The following GRXCR1 variants were observed in gnomAD, a reference collection of about 807,000 sequenced individuals.
The protein encoded by GRXCR1 is glutaredoxin domain-containing cysteine-rich protein 1.
Under a neutral mutation model 27.3 loss-of-function variants are expected in GRXCR1, and 27 were observed. The observed-to-expected ratio is 0.99, with a 90% CI of 0.73 to 1.37. GRXCR1 has a LOEUF of 1.37. GRXCR1 is among the 40% of genes most tolerant of loss of function. The probability of loss-of-function intolerance (pLI) is 0.00; values close to 1 mark genes in which losing one functional copy is unlikely to be tolerated. For synonymous variants in GRXCR1, 122 were observed against 131.1 expected (o/e 0.93, Z 0.47); for missense variants, 379 against 354.4 (o/e 1.07, Z -0.56).
intron 2 of GRXCR1, among the ~76,000 whole-genome samples, chr4:42,994,920 G>A (rs1408229533): frequency 6.6e-6 from 1 of 151,998 alleles, no homozygotes. Flanking sequence ...CATCAAAAAT[G>A]CTTAATATTA....
chr4:42,980,001 A>T (rs944717621), intron 2 of GRXCR1, among the ~76,000 whole-genome samples: 1 of 151,890 alleles, frequency 6.6e-6, no homozygotes, highest in Non-Finnish European at 1.5e-5. Context: ...TCTTGTATCA[A>T]TTGTAACATC....
Position 42,941,988 on chromosome 4 carries a change from A to C in GRXCR1, c.385-20904A>C, listed in dbSNP as rs151310748. 3.4e-3 allele frequency among the ~76,000 whole-genome samples: 516 copies of C among 152,228 alleles called. 1 individual carries two copies. The highest frequency in any genetic ancestry group is 8.7e-3 in the South Asian group (42 of 4,826). On this transcript the variant is annotated intron_variant, in intron 1 of 3. Transcript: ENST00000399770. ...AATTTGATATATATGCAAAACTAAC[A>C]CAGCAACTTGAGCACATAATTTCAA...
At chr4:42,907,277 C>G (rs1227967031) in intron 1 of GRXCR1, among the ~76,000 whole-genome samples, 1 of 152,192 alleles carries the variant, frequency 6.6e-6, no homozygotes, top group Non-Finnish European at 1.5e-5. Context: ...GGAACATTCA[C>G]TACAGTTCAC....
chr4:43,013,464 A>G (rs1211775401), intron 2 of GRXCR1, among the ~76,000 whole-genome samples: 1 of 152,094 alleles, frequency 6.6e-6, no homozygotes, highest in East Asian at 1.9e-4. Flanking sequence ...GCAACAATAG[A>G]CAACTGGGGC....
At chr4:42,908,880 A>G (rs1746656491) in intron 1 of GRXCR1, among the ~76,000 whole-genome samples, 1 of 152,118 alleles carries the variant, frequency 6.6e-6, no homozygotes, top group Non-Finnish European at 1.5e-5. Context: ...TTCCTGTGGG[A>G]ATTGGCAGTG....
intron 2 of GRXCR1, among the ~76,000 whole-genome samples, chr4:42,975,411 T>C (rs1407152183): frequency 6.6e-6 from 1 of 152,094 alleles, no homozygotes; most frequent in Non-Finnish European, 1.5e-5. Flanking sequence ...CCTTTTCAGT[T>C]ATGTGTACCT....
intron 1 of GRXCR1, among the ~76,000 whole-genome samples, chr4:42,920,936 A>G (rs910126430): frequency 2.0e-5 from 3 of 151,902 alleles, no homozygotes; most frequent in African/African-American, 4.8e-5. Flanking sequence ...CAAGTTTGCA[A>G]TAATTTTCTC....
At chr4:42,921,641 G>A (rs1406958450) in intron 1 of GRXCR1, among the ~76,000 whole-genome samples, 1 of 151,944 alleles carries the variant, frequency 6.6e-6, no homozygotes, top group Non-Finnish European at 1.5e-5. Context: ...TTAAAAAATG[G>A]ATGGTTTTAT....
At chr4:42,932,539 G>A (rs1256778345) in intron 1 of GRXCR1, among the ~76,000 whole-genome samples, 1 of 131,292 alleles carries the variant, frequency 7.6e-6, no homozygotes, top group Admixed American at 8.2e-5. Flanking sequence ...AATAGATCAG[G>A]CCAAACTCTC....
intron 2 of GRXCR1, among the ~76,000 whole-genome samples, chr4:42,997,873 A>G (rs371813035): frequency 7.2e-5 from 11 of 152,094 alleles, no homozygotes; most frequent in African/African-American, 2.7e-4. Flanking sequence ...CCTGCATGGC[A>G]TGGCGTGCCT....
At chr4:42,998,504 GAA>G (rs1344465817) in intron 2 of GRXCR1, among the ~76,000 whole-genome samples, 1 of 152,192 alleles carries the variant, frequency 6.6e-6, no homozygotes, top group Non-Finnish European at 1.5e-5. Context: ...AAACGCAAGT[GAA>G]AGATACATTG....
rs558438176 is a variant in GRXCR1 at position 42,914,379 on chromosome 4, A to G, written c.384+20729A>G. On this transcript the variant is annotated intron_variant, in intron 1 of 3. Transcript: ENST00000399770. ...GTGAGACATGGAGTCAAAGAAGATC[A>G]TTTTGGAACTTTAAGGTTTAATAAC... Among the ~76,000 whole-genome samples, 12 of 152,366 alleles carry G rather than the reference A, an allele frequency of 7.9e-5. No individual in the cohort carries two copies. The South Asian group carries it at 2.5e-3, about 32-fold the overall frequency.
At chr4:42,999,672 T>C (rs913765484) in intron 2 of GRXCR1, among the ~76,000 whole-genome samples, 4 of 152,240 alleles carry the variant, frequency 2.6e-5, no homozygotes, top group African/African-American at 9.6e-5. Context: ...GATTTTTTCC[T>C]TAAAGTCTGA....
At chr4:42,927,138 C>T (rs1747174616) in intron 1 of GRXCR1, among the ~76,000 whole-genome samples, 1 of 151,972 alleles carries the variant, frequency 6.6e-6, no homozygotes, top group Non-Finnish European at 1.5e-5. Flanking sequence ...TCAACCATCC[C>T]ACAGGATTCA....
At chr4:42,915,136 G>C (rs1463323843) in intron 1 of GRXCR1, among the ~76,000 whole-genome samples, 2 of 152,126 alleles carry the variant, frequency 1.3e-5, no homozygotes, top group African/African-American at 4.8e-5. Flanking sequence ...TCTCAGTCTA[G>C]TGTTGAGTGG....
intron 1 of GRXCR1, among the ~76,000 whole-genome samples, chr4:42,916,805 A>G (rs1746896444): frequency 6.6e-6 from 1 of 152,166 alleles, no homozygotes; most frequent in Non-Finnish European, 1.5e-5. Flanking sequence ...TCAAAGTTCT[A>G]CATCCAAGAT....
chr4:43,025,075 C>T (rs1713210059), intron 3 of GRXCR1, among the ~76,000 whole-genome samples: 1 of 152,114 alleles, frequency 6.6e-6, no homozygotes, highest in African/African-American at 2.4e-5. Context: ...TCTTAGCATC[C>T]TGTTTCTATA....
chr4:42,997,888 C>T (rs1355263585), intron 2 of GRXCR1, among the ~76,000 whole-genome samples: 1 of 152,178 alleles, frequency 6.6e-6, no homozygotes. Context: ...GTGCCTCCTC[C>T]CTCCTCTCGG....
chr4:43,011,786 C>T (rs1435346566), intron 2 of GRXCR1, among the ~76,000 whole-genome samples: 4 of 152,110 alleles, frequency 2.6e-5, no homozygotes, highest in African/African-American at 9.7e-5. Flanking sequence ...TAAGCTTCAG[C>T]ACATTGTAGG....
Sources: allele counts gnomAD v4.1 joint callset (sites outside exome capture counted in the v4.1 genomes callset), GRCh38; gene constraint gnomAD v4.1.1; transcripts MANE v1.5; gene names NCBI Gene and HGNC (gene_info 2026-07-23, HGNC 2026-07-21).